Variants in TET2 observed in about 807,000 individuals in gnomAD.
The protein encoded by TET2 is tet methylcytosine dioxygenase 2.
Under a neutral mutation model 142.9 loss-of-function variants are expected in TET2, and 299 were observed. The observed-to-expected ratio is 2.09, with a 90% CI of 1.90 to 2.30. TET2 has a LOEUF of 2.30. Among genes scored for constraint, TET2 ranks in the 30% most tolerant of loss-of-function variants. TET2 has a pLI of 0.00. For synonymous variants in TET2, 819 were observed against 849.0 expected, an observed-to-expected ratio of 0.96 and a Z score of 0.61; for missense variants, 2,418 against 2,378.0, an observed-to-expected ratio of 1.02 and a Z score of -0.35.
At chr4:105,163,822 A>T (rs1177026135) in intron 1 of TET2, among the ~76,000 whole-genome samples, 1 of 86,262 alleles carries the variant, frequency 1.2e-5, no homozygotes, top group African/African-American at 6.6e-5. Context: ...AGAGAGAGAG[A>T]GAGAGAGAGA....
intron 2 of TET2, among the ~76,000 whole-genome samples, chr4:105,214,310 T>TTC (rs1727350041): frequency 1.4e-5 from 2 of 139,918 alleles, no homozygotes; most frequent in South Asian, 4.8e-4. Context: ...GATTTTTTTT[T>TTC]TTTTTTTTTT....
chr4:105,180,914 C>A (rs1385625747), intron 1 of TET2, among the ~76,000 whole-genome samples: 1 of 152,228 alleles, frequency 6.6e-6, no homozygotes, highest in Non-Finnish European at 1.5e-5. Flanking sequence ...GCTGGAATTA[C>A]AGGCGTGAGG....
intron 2 of TET2, among the ~76,000 whole-genome samples, chr4:105,225,050 T>C (rs1728099543): frequency 6.6e-6 from 1 of 152,102 alleles, no homozygotes; most frequent in African/African-American, 2.4e-5. Flanking sequence ...AAAACTGCCT[T>C]TTTAGACTTA....
chr4:105,250,355 A>ATCAGCTTC lies in TET2; in HGVS notation c.3803+6580_3803+6587dup, dbSNP rs1729801253. Among the ~76,000 whole-genome samples the ATCAGCTTC allele has an allele frequency of 3.9e-5, 5 of 128,270 alleles. No individual in the cohort carries two copies. In the South Asian group the frequency reaches 1.3e-3, roughly 34 times the overall value. The allele number at this position is 128,270 out of a possible 152,430, so 84.2% of individuals were successfully genotyped here. A position where few individuals can be genotyped will look rare whatever the true frequency, so the allele number is the denominator to read the frequency against. On this transcript the variant is annotated intron_variant, in intron 6 of 10. Coordinates refer to ENST00000380013, the MANE Select transcript of TET2 (RefSeq NM_001127208.3). ...CTTGGGTTTCCATATGCATTTTAAG[A>ATCAGCTTC]TCAGCTTCTCCGTTTCCTTTCTGGA...
intron 1 of TET2, among the ~76,000 whole-genome samples, chr4:105,176,064 T>C (rs1285945591): frequency 6.6e-6 from 1 of 152,108 alleles, no homozygotes; most frequent in African/African-American, 2.4e-5. Flanking sequence ...TGTTTAAAGT[T>C]CTTTAGAGAG....
intron 1 of TET2, among the ~76,000 whole-genome samples, chr4:105,186,584 G>A (rs1021792687): frequency 6.9e-5 from 10 of 145,184 alleles, no homozygotes; most frequent in African/African-American, 1.0e-4. Flanking sequence ...CGATTCTCCC[G>A]CCTCAGCCTC....
chr4:105,196,213 T>C (rs924137116), intron 2 of TET2, among the ~76,000 whole-genome samples: 1 of 151,926 alleles, frequency 6.6e-6, no homozygotes, highest in Non-Finnish European at 1.5e-5. Flanking sequence ...GTATGCCCAT[T>C]CTTAAGTGCA....
At chr4:105,274,050 A>G (rs1560572272) in intron 10 of TET2, among the ~76,000 whole-genome samples, 1 of 152,232 alleles carries the variant, frequency 6.6e-6, no homozygotes, top group Non-Finnish European at 1.5e-5. Flanking sequence ...CAGAGGAACT[A>G]AGTTAAATAA....
intron 3 of TET2, chr4:105,237,578 C>G: frequency 3.4e-6 from 5 of 1,481,590 alleles, no homozygotes; most frequent in Non-Finnish European, 4.5e-6. Flanking sequence ...AATAATCGTG[C>G]ATGTTTATTT....
intron 2 of TET2, among the ~76,000 whole-genome samples, chr4:105,233,106 G>A (rs534701885): frequency 2.0e-5 from 3 of 152,066 alleles, no homozygotes; most frequent in Admixed American, 2.0e-4. Flanking sequence ...ACTGCAGGTG[G>A]GGTGCGGTGG....
intron 1 of TET2, among the ~76,000 whole-genome samples, chr4:105,181,132 CT>C (rs1320986204): frequency 6.6e-6 from 1 of 152,010 alleles, no homozygotes; most frequent in Non-Finnish European, 1.5e-5. Context: ...ATTTTAAATC[CT>C]TTGTAACAAA....
intron 6 of TET2, among the ~76,000 whole-genome samples, chr4:105,255,693 CTTT>C (rs973214662): frequency 6.6e-6 from 1 of 151,952 alleles, no homozygotes; most frequent in African/African-American, 2.4e-5. Flanking sequence ...ATGGCTTGAA[CTTT>C]TTATTATAAA....
At chr4:105,151,440 A>G (rs1473317256) in intron 1 of TET2, among the ~76,000 whole-genome samples, 1 of 151,478 alleles carries the variant, frequency 6.6e-6, no homozygotes, top group African/African-American at 2.4e-5. Context: ...AAGAAGAAAC[A>G]GATAGTAGGT....
chr4:105,171,491 G>A (rs957767054), intron 1 of TET2: 45 of 152,118 alleles, frequency 3.0e-4, no homozygotes, highest in African/African-American at 9.2e-4. Flanking sequence ...GATAACACAG[G>A]CCATCTTTTG....
chr4:105,207,267 T>C (rs1454510250), intron 2 of TET2, among the ~76,000 whole-genome samples: 1 of 152,178 alleles, frequency 6.6e-6, no homozygotes, highest in African/African-American at 2.4e-5. Flanking sequence ...GATAATGAAC[T>C]TAATTTCACA....
intron 6 of TET2, among the ~76,000 whole-genome samples, chr4:105,252,778 T>C (rs1729935867): frequency 6.6e-6 from 1 of 152,192 alleles, no homozygotes. Context: ...ATTTTACATT[T>C]AGGGCTGTGA....
intron 2 of TET2, among the ~76,000 whole-genome samples, chr4:105,191,976 T>A (rs191735082): frequency 7.2e-5 from 11 of 152,270 alleles, no homozygotes; most frequent in Admixed American, 3.3e-4. Context: ...AATAAAGCAT[T>A]CTTTACTTTT....
At chr4:105,268,333 C>CA (rs145062396) in intron 8 of TET2, among the ~76,000 whole-genome samples, 3,517 of 152,006 alleles carry the variant, frequency 0.023, 147 homozygotes, top group African/African-American at 0.081. Flanking sequence ...ATACATTTGA[C>CA]AAAAATGTAT....
chr4:105,151,241 A>G (rs1378822994), intron 1 of TET2, among the ~76,000 whole-genome samples: 1 of 152,122 alleles, frequency 6.6e-6, no homozygotes, highest in Non-Finnish European at 1.5e-5. Context: ...GGATGGATTG[A>G]GCTCAAGTGT....
Sources: gnomAD v4.1 joint callset for allele counts (sites outside exome capture counted in the v4.1 genomes callset) on GRCh38, gnomAD v4.1.1 for gene constraint, MANE v1.5 for transcripts, NCBI Gene and HGNC (gene_info 2026-07-23, HGNC 2026-07-21) for gene names.